UHMK1: variants seen among roughly 807,000 people sequenced by gnomAD.
UHMK1 encodes the protein U2AF homology motif kinase 1.
In UHMK1, 18 loss-of-function variants were observed where a neutral mutation model predicts 44.0. The ratio of observed to expected loss-of-function variants is 0.41; its 90% CI spans 0.28 to 0.61. The LOEUF (loss-of-function observed/expected upper bound fraction) is 0.61. UHMK1 is among the 20% of genes least tolerant of loss of function. The pLI is 0.31. For missense variants in UHMK1, 463 were observed against 522.5 expected (o/e 0.89, Z 1.11); for synonymous variants, 231 against 198.5 (o/e 1.16, Z -1.38).
chr1:162,520,909 CAGG>C (rs745677720), intron 7 of UHMK1, among the ~76,000 whole-genome samples: 4 of 152,118 alleles, frequency 2.6e-5, no homozygotes, highest in African/African-American at 4.8e-5. Context: ...AATAGAGAGA[CAGG>C]AGAAGTCTTT....
In UHMK1 at chr1:162,512,556, CA is replaced by C; in HGVS notation, c.906del (p.Phe303SerfsTer21). ...CCTGCTGAAATGGCATTGTGCAGCC[CA>C]TTCTTTAGCATTCCTTTTGGTAAGT... is the stretch of plus-strand genomic sequence containing the variant. Reference protein sequence around the residue: ...RIPAEMALCSPFFSIPFAPHI... With the variant: ...RIPAEMALCSXFFSIPFAPHI... On this transcript the variant is annotated frameshift_variant, in exon 5 of 8. Coordinates refer to ENST00000489294, the MANE Select transcript of UHMK1 (RefSeq NM_175866.5). LOFTEE classifies it high-confidence loss of function. 6.2e-7 allele frequency: 1 copy of C among 1,612,504 alleles called. No homozygotes were observed. The highest frequency in any genetic ancestry group is 8.5e-7 in the Non-Finnish European group (1 of 1,179,664).
chr1:162,503,953 A>G (rs1002046771), intron 4 of UHMK1, 105 bp downstream of exon 4: 20 of 838,076 alleles, frequency 2.4e-5, no homozygotes, highest in Middle Eastern at 2.6e-4. Context: ...TATGTAAGGA[A>G]CATAAGTAAT....
At chr1:162,503,104 G>A (rs544973271) in intron 3 of UHMK1, among the ~76,000 whole-genome samples, 1 of 152,226 alleles carries the variant, frequency 6.6e-6, no homozygotes, top group African/African-American at 2.4e-5. Context: ...ATTTCTGCCT[G>A]AAAACCAATT....
chr1:162,507,821 C>T (rs1195972812), intron 4 of UHMK1, among the ~76,000 whole-genome samples: 5 of 151,958 alleles, frequency 3.3e-5, no homozygotes, highest in Non-Finnish European at 7.4e-5. Context: ...CTCCTGAACT[C>T]GTGATCCGCC....
rs1342977690 is a variant in UHMK1 at position 162,523,848 on chromosome 1, G to A, written c.*1298G>A. 6.6e-6 allele frequency: 1 copy of A among 151,872 alleles called. No individual in the cohort carries two copies. Among genetic ancestry groups the A allele is most frequent in the Non-Finnish European group, 1.5e-5 (1 of 67,944 alleles). 9.4% of individuals were successfully genotyped at this position (151,872 alleles called of 1,614,324 possible). A position where few individuals can be genotyped will look rare whatever the true frequency, so the allele number is the denominator to read the frequency against. On this transcript the variant is annotated 3_prime_UTR_variant, in exon 8 of 8. Coordinates refer to ENST00000489294, the MANE Select transcript of UHMK1 (RefSeq NM_175866.5). ...GTGTAGATATAATGAGGTAGAAGTAGAAAGGAAGAAAAACTCAAAGAATTC... is the reference window on the plus strand; with the variant it reads ...GTGTAGATATAATGAGGTAGAAGTAAAAAGGAAGAAAAACTCAAAGAATTC...
At chr1:162,507,887 CTT>C (rs148869445) in intron 4 of UHMK1, among the ~76,000 whole-genome samples, 18,979 of 151,986 alleles carry the variant, frequency 0.12, 1,342 homozygotes, top group Non-Finnish European at 0.17. Flanking sequence ...TGCCCCGCCT[CTT>C]TTTTATTTTT....
At chr1:162,513,139 C>G (rs890367987) in intron 6 of UHMK1, 2 of 303,798 alleles carry the variant, frequency 6.6e-6, no homozygotes, top group Non-Finnish European at 1.3e-5. Flanking sequence ...CGGGGTTTCA[C>G]CATATTGGTC....
intron 6 of UHMK1, among the ~76,000 whole-genome samples, chr1:162,517,614 C>T (rs1651877329): frequency 6.6e-6 from 1 of 152,114 alleles, no homozygotes; most frequent in African/African-American, 2.4e-5. Context: ...TGGCCAGGCG[C>T]AGTGGCTCAC....
Position 162,522,803 on chromosome 1 carries a change from C to T in UHMK1, c.*253C>T. 2.9e-6 allele frequency: 1 copy of T among 346,880 alleles called. No individual in the cohort carries two copies. Among genetic ancestry groups the T allele is most frequent in the Non-Finnish European group, 5.2e-6 (1 of 191,124 alleles). The allele number at this position is 346,880 out of a possible 1,614,324, so 21.5% of individuals were successfully genotyped here. A position where few individuals can be genotyped will look rare whatever the true frequency, so the allele number is the denominator to read the frequency against. ...GGCAACCCTTTTTTGTGCGGGAGAG[C>T]AGGTGTTGCTCTTCAGTATGTAGCC... On this transcript the variant is annotated 3_prime_UTR_variant, in exon 8 of 8. Transcript: ENST00000489294.
intron 6 of UHMK1, among the ~76,000 whole-genome samples, chr1:162,515,046 C>A (rs560161895): frequency 1.8e-3 from 268 of 152,264 alleles, no homozygotes; most frequent in Middle Eastern, 0.01. Context: ...AAATGATGCT[C>A]AAATATCCTC....
chr1:162,499,592 C>T (rs1651194629), intron 1 of UHMK1, among the ~76,000 whole-genome samples: 1 of 151,948 alleles, frequency 6.6e-6, no homozygotes, highest in Non-Finnish European at 1.5e-5. Context: ...TTTAAAGGAC[C>T]TCATGATGCA....
At chr1:162,516,260 G>T (rs1328662340) in intron 6 of UHMK1, among the ~76,000 whole-genome samples, 1 of 152,164 alleles carries the variant, frequency 6.6e-6, no homozygotes, top group Non-Finnish European at 1.5e-5. Context: ...TGTTACTTCT[G>T]ATGAACAGGG....
chr1:162,520,628 A>G (rs1382161944), intron 7 of UHMK1, among the ~76,000 whole-genome samples: 2 of 152,188 alleles, frequency 1.3e-5, no homozygotes, highest in Non-Finnish European at 2.9e-5. Flanking sequence ...GGCAAAAGGA[A>G]CAGCAAGATC....
Position 162,500,712 on chromosome 1 carries a change from C to T in UHMK1, c.562-201C>T, listed in dbSNP as rs148306890. 131 of 545,810 alleles carry T rather than the reference C, an allele frequency of 2.4e-4. No individual in the cohort carries two copies. In the East Asian group the frequency reaches 3.7e-3, roughly 15 times the overall value. 33.8% of individuals were successfully genotyped at this position (545,810 alleles called of 1,614,324 possible). On this transcript the variant is annotated intron_variant, in intron 2 of 7. Coordinates refer to ENST00000489294, the MANE Select transcript of UHMK1 (RefSeq NM_175866.5). ...AATCCAAAGAAGACTTCTTTATGAG[C>T]GCTATATGGAAATGTACAGCTTGCC...
chr1:162,500,408 A>G lies in UHMK1; in HGVS notation c.561+161A>G, dbSNP rs182345757. The G allele has an allele frequency of 9.2e-4, 753 of 814,096 alleles. 2 individuals are homozygous for G. In the African/African-American group the frequency reaches 0.011, roughly 12 times the overall value. 50.4% of individuals were successfully genotyped at this position (814,096 alleles called of 1,614,324 possible). A position where few individuals can be genotyped will look rare whatever the true frequency, so the allele number is the denominator to read the frequency against. ...AGTAAATCAAAAGAATTTCAGTGCC[A>G]CCGTGTAAAAAAAGGACATAATGTT... is the stretch of plus-strand genomic sequence containing the variant. On this transcript the variant is annotated intron_variant, in intron 2 of 7. Coordinates refer to ENST00000489294, the MANE Select transcript of UHMK1 (RefSeq NM_175866.5).
At chr1:162,506,355 T>C (rs1476696868) in intron 4 of UHMK1, among the ~76,000 whole-genome samples, 1 of 152,158 alleles carries the variant, frequency 6.6e-6, no homozygotes, top group Non-Finnish European at 1.5e-5. Context: ...ACTATTTTTC[T>C]GCATATTGCA....
rs1652118727 is a variant in UHMK1, at chr1:162,523,053, T to C, written c.*503T>C. The C allele has an allele frequency of 6.5e-6, 1 of 154,744 alleles. No individual in the cohort carries two copies. Among genetic ancestry groups the C allele is most frequent in the African/African-American group, 2.4e-5 (1 of 41,470 alleles). 9.6% of individuals were successfully genotyped at this position (154,744 alleles called of 1,614,324 possible). On this transcript the variant is annotated 3_prime_UTR_variant, in exon 8 of 8. Coordinates refer to ENST00000489294, the MANE Select transcript of UHMK1 (RefSeq NM_175866.5). ...CAGTTACCTACTGTGTTCTTAACAC[T>C]GAGTTGTGAATTTTTTCTTAAAGCA... is the stretch of plus-strand genomic sequence containing the variant.
chr1:162,508,214 C>T (rs1226346583), intron 4 of UHMK1, among the ~76,000 whole-genome samples: 1 of 151,998 alleles, frequency 6.6e-6, no homozygotes, highest in African/African-American at 2.4e-5. Context: ...CAGGTTTTAG[C>T]GTTCCTCCCT....
intron 4 of UHMK1, 102 bp downstream of exon 4, chr1:162,503,950 G>A: frequency 3.5e-6 from 3 of 847,312 alleles, no homozygotes; most frequent in Non-Finnish European, 5.4e-6. Context: ...TTCTATGTAA[G>A]GAACATAAGT....
Sources: allele counts gnomAD v4.1 joint callset (sites outside exome capture counted in the v4.1 genomes callset), GRCh38; gene constraint gnomAD v4.1.1; transcripts MANE v1.5; gene names NCBI Gene and HGNC (gene_info 2026-07-23, HGNC 2026-07-21).